HSPG2: variants seen among roughly 807,000 people sequenced by gnomAD.
HSPG2 encodes basement membrane-specific heparan sulfate proteoglycan core protein.
Under a neutral mutation model 526.6 loss-of-function variants are expected in HSPG2, and 278 were observed. That is an observed-to-expected ratio of 0.53 (90% CI 0.48 to 0.58). HSPG2 has a LOEUF of 0.58. Among genes scored for constraint, HSPG2 ranks in the 20% least tolerant of loss-of-function variants. The pLI, the probability that HSPG2 is intolerant of heterozygous loss-of-function variation, is 0.00. For synonymous variants in HSPG2, 2,465 were observed against 2,555.4 expected (o/e 0.96, Z 1.07); for missense variants, 5,354 against 6,099.5 (o/e 0.88, Z 4.07).
intron 75 of HSPG2, 81 bp downstream of exon 75, chr1:21,836,720 CT>C: frequency 8.0e-7 from 1 of 1,254,122 alleles, no homozygotes; most frequent in East Asian, 2.5e-5. Flanking sequence ...GTTGCGCCCC[CT>C]GGGGCAGGTG....
rs1157943741 is a variant in HSPG2, at chr1:21,824,403, G to C, written c.12745-27C>G. 1.9e-6 allele frequency: 3 copies of C among 1,612,652 alleles called. No homozygotes were observed. The highest frequency in any genetic ancestry group is 2.7e-5 in the African/African-American group (2 of 75,006). On this transcript the variant is annotated intron_variant, in intron 93 of 96. Transcript: ENST00000374695. This position sits in a 1 kb window ranked among gnomAD's most constrained non-coding sequence, Gnocchi z 5.9. Reference sequence around the variant, plus strand: ...TGCCAGGGAAGCACAGGGTCTCTGGGGTCCCCAGCCTGGAGAGCAGAGGCT... The same window carrying C: ...TGCCAGGGAAGCACAGGGTCTCTGGCGTCCCCAGCCTGGAGAGCAGAGGCT...
In HSPG2 at chr1:21,823,803, C is replaced by T. The variant is rs545327188; in HGVS notation, c.12900-84G>A. 5 of 1,039,644 alleles carry T rather than the reference C, an allele frequency of 4.8e-6. No individual in the cohort carries two copies. In the East Asian group the frequency reaches 9.6e-5, roughly 20 times the overall value. 64.4% of individuals were successfully genotyped at this position (1,039,644 alleles called of 1,614,324 possible). A position where few individuals can be genotyped will look rare whatever the true frequency, so the allele number is the denominator to read the frequency against. On this transcript the variant is annotated intron_variant, in intron 95 of 96. Coordinates refer to ENST00000374695, the MANE Select transcript of HSPG2 (RefSeq NM_005529.7). The stretch of plus-strand genomic sequence containing the variant: ...CGACAGAGTCCCCTCCCTCTGATAT[C>T]GAGACTCCAGACTCAGAAGTCTGTC...
chr1:21,847,488 T>A lies in HSPG2; in HGVS notation c.8030A>T (p.His2677Leu), dbSNP rs1218463854. The A allele has an allele frequency of 6.2e-7, 1 of 1,613,352 alleles. No homozygotes were observed. Among genetic ancestry groups the A allele is most frequent in the Non-Finnish European group, 8.5e-7 (1 of 1,179,872 alleles). Reference sequence around the variant, plus strand: ...TTGGTGCAACCGCAGGTGGGAGCCATGGGTCTGGACGTGCGGATGGGGAAG... The same window carrying A: ...TTGGTGCAACCGCAGGTGGGAGCCAAGGGTCTGGACGTGCGGATGGGGAAG... ...GGSLPSRHQTHGSHLRLHQMS... is the reference protein window; with the variant it reads ...GGSLPSRHQTLGSHLRLHQMS... Residue 2677 changes from histidine (H) to leucine (L), a missense_variant, in exon 62 of 97, where the codon CAT (histidine) becomes CTT (leucine). Physicochemically the swap from His to Leu is moderately conservative, Grantham distance 99. Coordinates refer to ENST00000374695, the MANE Select transcript of HSPG2 (RefSeq NM_005529.7). This position sits in a 1 kb window ranked among gnomAD's most constrained non-coding sequence, Gnocchi z 4.1.
intron 44 of HSPG2, among the ~76,000 whole-genome samples, chr1:21,856,452 C>G (rs1639344664): frequency 1.3e-5 from 2 of 152,124 alleles, no homozygotes; most frequent in Admixed American, 1.3e-4. Flanking sequence ...GATTCTTGCT[C>G]TGTCACCCAG....
rs62642502 is a variant in HSPG2, at chr1:21,823,404, G to A, written c.13088C>T (p.Ser4363Leu). Residue 4363 changes from serine (S) to leucine (L), a missense_variant, in exon 97 of 97, where the codon TCG becomes TTG. Coordinates refer to ENST00000374695, the MANE Select transcript of HSPG2 (RefSeq NM_005529.7). ...TGGGGGCGGGGCGCCGGGTCGGGCCGAGTGCAGCACCAGGTTCTTGACACA... is the reference window on the plus strand; with the variant it reads ...TGGGGGCGGGGCGCCGGGTCGGGCCAAGTGCAGCACCAGGTTCTTGACACA... ...TGCVKNLVLHSARPGAPPPQP... is the reference protein window; with the variant it reads ...TGCVKNLVLHLARPGAPPPQP... 8.5e-4 allele frequency: 1,344 copies of A among 1,573,930 alleles called. 5 individuals carry two copies. The African/African-American group carries it at 8.6e-3, about 10-fold the overall frequency.
intron 87 of HSPG2, 42 bp from the exon 88 acceptor site, chr1:21,829,121 C>T (rs566067933): frequency 1.5e-5 from 23 of 1,523,220 alleles, no homozygotes; most frequent in South Asian, 8.4e-5. Context: ...TGGGGGCACA[C>T]GGGGCTCCCT....
At chr1:21,914,503 G>A (rs146048455) in intron 1 of HSPG2, among the ~76,000 whole-genome samples, 5 of 152,310 alleles carry the variant, frequency 3.3e-5, no homozygotes, top group Non-Finnish European at 4.4e-5. Context: ...GAATCTGGCA[G>A]GGCCAGGATC....
Position 21,855,194 on chromosome 1 carries a change from G to A in HSPG2, c.5997+110C>T, listed in dbSNP as rs570584573. 1,214 of 1,443,522 alleles carry A rather than the reference G, an allele frequency of 8.4e-4. 1 individual carries two copies. Among genetic ancestry groups the A allele is most frequent in the Non-Finnish European group, 1.0e-3 (1,121 of 1,069,228 alleles). The allele number at this position is 1,443,522 out of a possible 1,614,324, so 89.4% of individuals were successfully genotyped here. On this transcript the variant is annotated intron_variant, in intron 47 of 96. Transcript: ENST00000374695. ...AGGAGACCACCATCTTGGAGGTGAA[G>A]GGAGCCACAGAGGAGGAGGTGGGGT... is the stretch of plus-strand genomic sequence containing the variant.
chr1:21,897,459 C>A (rs1572400736), intron 1 of HSPG2, among the ~76,000 whole-genome samples: 1 of 152,346 alleles, frequency 6.6e-6, no homozygotes, highest in Non-Finnish European at 1.5e-5. Flanking sequence ...CTTCCCTCCC[C>A]ACCCCTACTG....
chr1:21,839,034 TC>T lies in HSPG2; in HGVS notation c.9940del (p.Glu3314ArgfsTer95). On this transcript the variant is annotated frameshift_variant, in exon 74 of 97. Transcript: ENST00000374695. LOFTEE classifies it high-confidence loss of function. This position sits in a 1 kb window ranked among gnomAD's most constrained non-coding sequence, Gnocchi z 4.5. Reference protein sequence around the residue: ...VPEHASVQAGETVQLQCLAHG... With the variant: ...VPEHASVQAGXTVQLQCLAHG... ...AGCCAGGCACTGGAGCTGCACCGTC[TC>T]CCCTGCCTGCACCGAAGCGTGCTCT... The T allele has an allele frequency of 5.0e-6, 8 of 1,600,094 alleles. No individual in the cohort carries two copies. The highest frequency in any genetic ancestry group is 6.8e-6 in the Non-Finnish European group (8 of 1,168,958).
At chr1:21,878,859 G>T in intron 18 of HSPG2, 135 bp downstream of exon 18, 2 of 1,262,982 alleles carry the variant, frequency 1.6e-6, no homozygotes, top group Non-Finnish European at 2.2e-6. Flanking sequence ...GGCCTAGAGA[G>T]GTCCAGGAGC....
At chr1:21,883,684 A>T (rs1641666449) in intron 13 of HSPG2, among the ~76,000 whole-genome samples, 1 of 152,192 alleles carries the variant, frequency 6.6e-6, no homozygotes, top group Non-Finnish European at 1.5e-5. Flanking sequence ...AGGGCATAAA[A>T]TGTGTTGAGT....
chr1:21,863,060 C>CAA (rs60890297), intron 37 of HSPG2, among the ~76,000 whole-genome samples: 1 of 31,234 alleles, frequency 3.2e-5, no homozygotes, highest in Non-Finnish European at 5.4e-5. Context: ...GACTCCATCT[C>CAA]AAAAAAAAAA....
chr1:21,888,678 T>C, intron 6 of HSPG2: 2 of 1,365,156 alleles, frequency 1.5e-6, no homozygotes, highest in Non-Finnish European at 2.0e-6. Flanking sequence ...CTGGTGTCAC[T>C]GCGACCGCCA....
chr1:21,897,829 T>C (rs2152775078), intron 1 of HSPG2, among the ~76,000 whole-genome samples: 1 of 152,260 alleles, frequency 6.6e-6, no homozygotes, highest in South Asian at 2.1e-4. Flanking sequence ...ATCTCATTAC[T>C]GACTGTACCC....
At chr1:21,841,433 C>T in intron 70 of HSPG2, 106 bp downstream of exon 70, 1 of 1,571,994 alleles carries the variant, frequency 6.4e-7, no homozygotes, top group Non-Finnish European at 8.7e-7. Flanking sequence ...AGGGAGAATG[C>T]CCAAGACAGA....
At chr1:21,915,162 T>C (rs1572442400) in intron 1 of HSPG2, among the ~76,000 whole-genome samples, 1 of 151,878 alleles carries the variant, frequency 6.6e-6, no homozygotes, top group African/African-American at 2.4e-5. Flanking sequence ...AACAGCACAC[T>C]TGGCGCCCTG....
At chr1:21,913,131 CT>C (rs1643758173) in intron 1 of HSPG2, among the ~76,000 whole-genome samples, 1 of 152,138 alleles carries the variant, frequency 6.6e-6, no homozygotes, top group Admixed American at 6.5e-5. Flanking sequence ...GGTCATTTAC[CT>C]TTCACGAAGC....
At position 21,884,647 on chromosome 1, in the gene HSPG2, A is replaced by C. The variant is rs750251909; in HGVS notation, c.1535T>G (p.Leu512Arg). Residue 512 changes from leucine (L) to arginine (R), a missense_variant, in exon 13 of 97, where the codon CTG becomes CGG. By Grantham distance (102) the Leu-to-Arg change is moderately radical (BLOSUM62 -2). Coordinates refer to ENST00000374695, the MANE Select transcript of HSPG2 (RefSeq NM_005529.7). Reference sequence around the variant, plus strand: ...GGGCAGGCAGGCGGCGCTGTGCTCCAGGTAGAAGTGGCCGTCAGGGCAGGG... The same window carrying C: ...GGGCAGGCAGGCGGCGCTGTGCTCCCGGTAGAAGTGGCCGTCAGGGCAGGG... ...RGPCPDGHFY[L>R]EHSAACLPCF... 1.2e-6 allele frequency: 2 copies of C among 1,611,712 alleles called. No individual in the cohort carries two copies. Among genetic ancestry groups the C allele is most frequent in the Non-Finnish European group, 1.7e-6 (2 of 1,179,690 alleles).
Sources: allele counts gnomAD v4.1 joint callset (sites outside exome capture counted in the v4.1 genomes callset), GRCh38; gene constraint gnomAD v4.1.1; non-coding constraint Gnocchi (gnomAD v3.1); transcripts MANE v1.5; gene names NCBI Gene and HGNC (gene_info 2026-07-23, HGNC 2026-07-21).